Variants in MYBPC1 observed in about 807,000 individuals in gnomAD.
The protein encoded by MYBPC1 is myosin-binding protein C, slow-type.
A neutral mutation model predicts 147.1 loss-of-function variants in MYBPC1; 52 were observed. The observed-to-expected ratio is 0.35, with a 90% confidence interval of 0.28 to 0.45. MYBPC1 has a LOEUF of 0.45. Among genes scored for constraint, MYBPC1 ranks in the 20% least tolerant of loss-of-function variants. The pLI, the probability that MYBPC1 is intolerant of heterozygous loss-of-function variation, is 1.00. For missense variants in MYBPC1, 1,228 were observed against 1,440.3 expected, an observed-to-expected ratio of 0.85 and a Z score of 2.39; for synonymous variants, 477 against 475.9, an observed-to-expected ratio of 1.00 and a Z score of -0.03.
chr12:101,629,476 AG>A lies in MYBPC1; in HGVS notation c.222del (p.Lys74AsnfsTer21). 6.2e-7 allele frequency: 1 copy of A among 1,614,098 alleles called. No individual in the cohort carries two copies. The highest frequency in any genetic ancestry group is 8.5e-7 in the Non-Finnish European group (1 of 1,179,990). On this transcript the variant is annotated frameshift_variant, in exon 6 of 32. Transcript: ENST00000361466. LOFTEE classifies it high-confidence loss of function. ...ACTCCTCCTGGGGAGGAACAAGCCA[AG>A]CAGAATGCCAACTCCCAGCTGTCCA... is the stretch of plus-strand genomic sequence containing the variant. ...VETPPGEEQA[K>X]QNANSQLSIL...
At chr12:101,626,501 G>A (rs994380981) in intron 3 of MYBPC1, among the ~76,000 whole-genome samples, 1 of 152,088 alleles carries the variant, frequency 6.6e-6, no homozygotes, top group Admixed American at 6.5e-5. Context: ...ATATGAATAA[G>A]GTCTGCCATT....
chr12:101,679,066 A>G (rs1486771611), intron 28 of MYBPC1, among the ~76,000 whole-genome samples: 2 of 151,494 alleles, frequency 1.3e-5, no homozygotes, highest in Non-Finnish European at 2.9e-5. Context: ...GGAGAATTGC[A>G]TGAACCTGGG....
chr12:101,598,026 T>C (rs1175855178), intron 1 of MYBPC1, among the ~76,000 whole-genome samples: 1 of 150,952 alleles, frequency 6.6e-6, no homozygotes, highest in African/African-American at 2.4e-5. Context: ...CTTTTTTTTT[T>C]TTTTTTTTTT....
At chr12:101,611,067 C>G (rs1234173963) in intron 1 of MYBPC1, among the ~76,000 whole-genome samples, 1 of 152,202 alleles carries the variant, frequency 6.6e-6, no homozygotes, top group East Asian at 1.9e-4. Context: ...TGTATTTACT[C>G]CTTCACTGGC....
intron 15 of MYBPC1, among the ~76,000 whole-genome samples, chr12:101,650,226 T>C (rs11110920): frequency 0.031 from 4,772 of 152,316 alleles, 273 homozygotes; most frequent in East Asian, 0.25. Context: ...AAAATAATTA[T>C]GCTATGCAAA....
downstream of MYBPC1, among the ~76,000 whole-genome samples, chr12:101,689,378 AT>A (rs1951387997): frequency 1.3e-5 from 2 of 152,214 alleles, no homozygotes; most frequent in African/African-American, 4.8e-5. Context: ...ATTACACTTT[AT>A]AAAAAAGTCA....
At chr12:101,638,960 T>C (rs574493954) in intron 10 of MYBPC1, among the ~76,000 whole-genome samples, 1 of 144,668 alleles carries the variant, frequency 6.9e-6, no homozygotes, top group Non-Finnish European at 1.6e-5. Flanking sequence ...GCGTTTTCAT[T>C]GCGGTAATGA....
intron 5 of MYBPC1, 70 bp from the exon 6 acceptor site, chr12:101,629,364 A>G: frequency 9.5e-7 from 1 of 1,053,934 alleles, no homozygotes; most frequent in East Asian, 2.4e-5. Flanking sequence ...TGAGAACAAC[A>G]AATCCAGGTA....
chr12:101,675,922 A>G (rs902767409), intron 26 of MYBPC1, among the ~76,000 whole-genome samples: 1 of 152,246 alleles, frequency 6.6e-6, no homozygotes, highest in Non-Finnish European at 1.5e-5. Context: ...GAACAGAAAG[A>G]TTCTACAAGG....
intron 1 of MYBPC1, among the ~76,000 whole-genome samples, chr12:101,603,438 A>G (rs932608250): frequency 2.0e-5 from 3 of 152,116 alleles, no homozygotes; most frequent in Non-Finnish European, 4.4e-5. Context: ...AGATGACCAC[A>G]TAAAGAACTC....
Position 101,617,208 on chromosome 12 carries a change from G to A in MYBPC1, c.68G>A (p.Ser23Asn), listed in dbSNP as rs1345949221. ...GCTTGTACTTTCTACACAGAACCAAGTAAAGAGAAGGAGGCCGGAACTACA... is the reference window on the plus strand; with the variant it reads ...GCTTGTACTTTCTACACAGAACCAAATAAAGAGAAGGAGGCCGGAACTACA... ...PAPAPPPEEP[S>N]KEKEAGTTPA... is the part of the protein sequence containing the mutation. Residue 23 changes from serine (S) to asparagine (N), a missense_variant, in exon 3 of 32, where the codon AGT becomes AAT. Ser to Asn is a conservative substitution (Grantham distance 46). This residue lies in a region of MYBPC1 where 151 missense variants were observed against 126.1 expected (regional missense o/e 1.20). Coordinates refer to ENST00000361466, the MANE Select transcript of MYBPC1 (RefSeq NM_002465.4). 1.2e-6 allele frequency: 2 copies of A among 1,613,746 alleles called. No homozygotes were observed. Among genetic ancestry groups the A allele is most frequent in the Non-Finnish European group, 1.7e-6 (2 of 1,179,820 alleles).
chr12:101,674,096 C>G (rs2136723575), intron 25 of MYBPC1, among the ~76,000 whole-genome samples: 1 of 152,240 alleles, frequency 6.6e-6, no homozygotes, highest in East Asian at 1.9e-4. Context: ...AAAATGAATT[C>G]TCACCAACTC....
At chr12:101,670,152 C>CACACACACAT (rs1898320304) in intron 23 of MYBPC1, among the ~76,000 whole-genome samples, 169 bp from the exon 24 acceptor site, 1 of 151,218 alleles carries the variant, frequency 6.6e-6, no homozygotes, top group African/African-American at 2.4e-5. Context: ...CACACACACA[C>CACACACACAT]ACATTTTGAA....
In MYBPC1 at chr12:101,634,544, C is replaced by G; in HGVS notation, c.557-10C>G. 6.2e-7 allele frequency: 1 copy of G among 1,608,864 alleles called. No homozygotes were observed. ...GGGTATTTATGTTATTGTTTTCTTT[C>G]CTTTCAAAGAATCTACTGGGACTAC... On this transcript the variant is annotated splice_polypyrimidine_tract_variant and intron_variant, in intron 8 of 31. Coordinates refer to ENST00000361466, the MANE Select transcript of MYBPC1 (RefSeq NM_002465.4).
downstream of MYBPC1, among the ~76,000 whole-genome samples, chr12:101,687,947 C>CAT (rs1332090709): frequency 6.6e-6 from 1 of 152,144 alleles, no homozygotes; most frequent in Non-Finnish European, 1.5e-5. Flanking sequence ...TAAGGGTACA[C>CAT]ATACACTGCA....
intron 29 of MYBPC1, among the ~76,000 whole-genome samples, chr12:101,681,047 T>C (rs1351033223): frequency 6.6e-6 from 1 of 152,220 alleles, no homozygotes; most frequent in Non-Finnish European, 1.5e-5. Flanking sequence ...CATATACATA[T>C]TATAACAGGC....
rs111227146 is a variant in MYBPC1 at position 101,617,590 on chromosome 12, C to T, written c.103+347C>T. Among the ~76,000 whole-genome samples, 736 of 141,164 alleles carry T rather than the reference C, an allele frequency of 5.2e-3. 4 individuals carry two copies. The highest frequency in any genetic ancestry group is 0.011 in the African/African-American group (402 of 37,672). 92.6% of individuals were successfully genotyped at this position (141,164 alleles called of 152,430 possible). ...AATTGGGAAAATTATCTGAATTACC[C>T]GGTTTTTTTTTAAATTAAATGTTTT... On this transcript the variant is annotated intron_variant, in intron 3 of 31. Coordinates refer to ENST00000361466, the MANE Select transcript of MYBPC1 (RefSeq NM_002465.4).
At chr12:101,621,078 TA>T (rs1166195540) in intron 3 of MYBPC1, among the ~76,000 whole-genome samples, 2 of 152,204 alleles carry the variant, frequency 1.3e-5, no homozygotes, top group African/African-American at 4.8e-5. Context: ...AAATGATTTT[TA>T]AAAAAATTTA....
intron 30 of MYBPC1, among the ~76,000 whole-genome samples, chr12:101,683,612 A>G (rs900071388): frequency 6.6e-6 from 1 of 152,198 alleles, no homozygotes. Context: ...TACAAAATGT[A>G]TCAAGCAATA....
Sources: gnomAD v4.1 joint callset for allele counts (sites outside exome capture counted in the v4.1 genomes callset) on GRCh38, gnomAD v4.1.1 for gene constraint, gnomAD v4.1.1 regional missense constraint, MANE v1.5 for transcripts, NCBI Gene and HGNC (gene_info 2026-07-23, HGNC 2026-07-21) for gene names.